Variants in MAP3K5 observed in about 807,000 individuals in gnomAD.
The protein encoded by MAP3K5 is ASK-1.
In MAP3K5, 56 loss-of-function variants were observed where a neutral mutation model predicts 158.7. That is an observed-to-expected ratio of 0.35 (90% confidence interval 0.28 to 0.44). The LOEUF is 0.44. Among genes scored for constraint, MAP3K5 ranks in the 20% least tolerant of loss-of-function variants. The probability of loss-of-function intolerance (pLI) is 1.00; values close to 1 mark genes in which losing one functional copy is unlikely to be tolerated. For missense variants in MAP3K5, 1,294 were observed against 1,674.8 expected (o/e 0.77, Z 3.97); for synonymous variants, 579 against 601.7 (o/e 0.96, Z 0.55).
At chr6:136,703,332 G>A (rs1017950093) in intron 3 of MAP3K5, among the ~76,000 whole-genome samples, 13 of 152,168 alleles carry the variant, frequency 8.5e-5, no homozygotes, top group African/African-American at 2.7e-4. Flanking sequence ...CTGCCATTCC[G>A]GTCTCAGGGA....
At position 136,681,037 on chromosome 6, in the gene MAP3K5, A is replaced by G. The variant is rs1248082220; in HGVS notation, c.1254-11642T>C. ...CACATTAACCTATTATGATTAATCT[A>G]TGCTGTCAGATGGAACCACGAAAGC... On this transcript the variant is annotated intron_variant, in intron 7 of 29. Coordinates refer to ENST00000359015, the MANE Select transcript of MAP3K5 (RefSeq NM_005923.4). Among the ~76,000 whole-genome samples, 3 of 152,364 alleles carry G rather than the reference A, an allele frequency of 2.0e-5. No individual in the cohort carries two copies. The East Asian group carries it at 5.8e-4, about 29-fold the overall frequency.
At chr6:136,635,129 A>T (rs1209132845) in intron 14 of MAP3K5, among the ~76,000 whole-genome samples, 3 of 121,570 alleles carry the variant, frequency 2.5e-5, no homozygotes, top group Admixed American at 7.9e-5. Flanking sequence ...TCTCTGGTTT[A>T]AAAAAAAAAA....
intron 1 of MAP3K5, among the ~76,000 whole-genome samples, chr6:136,740,568 G>T (rs1270129142): frequency 1.3e-5 from 2 of 152,000 alleles, no homozygotes; most frequent in African/African-American, 2.4e-5. Context: ...CTTCTCCCCA[G>T]CTCTTTCTAC....
chr6:136,749,648 G>T (rs933170873), intron 1 of MAP3K5, among the ~76,000 whole-genome samples: 22 of 152,028 alleles, frequency 1.4e-4, no homozygotes, highest in African/African-American at 5.1e-4. Context: ...TATCTAGTTT[G>T]CAATTACCAC....
At chr6:136,697,008 C>T (rs1780628748) in intron 5 of MAP3K5, among the ~76,000 whole-genome samples, 1 of 152,272 alleles carries the variant, frequency 6.6e-6, no homozygotes, top group East Asian at 1.9e-4. Flanking sequence ...CAGGCCTTTA[C>T]CATACAAGTC....
chr6:136,569,139 C>A (rs184890795), intron 25 of MAP3K5, among the ~76,000 whole-genome samples: 2 of 152,166 alleles, frequency 1.3e-5, no homozygotes, highest in African/African-American at 2.4e-5. Flanking sequence ...CAAATTCCAA[C>A]CTGACTCTAG....
intron 11 of MAP3K5, among the ~76,000 whole-genome samples, chr6:136,648,439 C>T (rs1778369007): frequency 6.6e-6 from 1 of 152,038 alleles, no homozygotes; most frequent in Non-Finnish European, 1.5e-5. Flanking sequence ...GGAGAAAGAC[C>T]ACAGTTCTGA....
chr6:136,639,040 G>C (rs1359325095), intron 13 of MAP3K5, among the ~76,000 whole-genome samples: 1 of 152,060 alleles, frequency 6.6e-6, no homozygotes, highest in Non-Finnish European at 1.5e-5. Context: ...TCTTTTATTG[G>C]TATAGATCAG....
intron 3 of MAP3K5, among the ~76,000 whole-genome samples, chr6:136,704,367 G>T (rs1263217948): frequency 2.6e-5 from 4 of 152,124 alleles, no homozygotes; most frequent in Admixed American, 2.6e-4. Flanking sequence ...GGGGAATCAC[G>T]ATTTAGAAAA....
chr6:136,624,039 C>T (rs1187530128), intron 14 of MAP3K5, among the ~76,000 whole-genome samples: 2 of 152,078 alleles, frequency 1.3e-5, no homozygotes, highest in East Asian at 3.9e-4. Flanking sequence ...ACTGAAAATA[C>T]AAAAATTAGC....
intron 1 of MAP3K5, 33 bp from the exon 2 acceptor site, chr6:136,720,622 G>T: frequency 6.3e-7 from 1 of 1,578,404 alleles, no homozygotes; most frequent in South Asian, 1.1e-5. Flanking sequence ...CCCAAAGAAT[G>T]ACACCCAAAT....
intron 8 of MAP3K5, among the ~76,000 whole-genome samples, chr6:136,664,511 C>T (rs1057204526): frequency 2.0e-5 from 3 of 152,122 alleles, no homozygotes; most frequent in Admixed American, 6.6e-5. Flanking sequence ...AGGTTGGGGA[C>T]TGCTGCTCTA....
chr6:136,653,381 A>C (rs1778604134), intron 10 of MAP3K5, among the ~76,000 whole-genome samples: 1 of 152,212 alleles, frequency 6.6e-6, no homozygotes, highest in Non-Finnish European at 1.5e-5. Context: ...ATTTTCTAAA[A>C]TAGGCCATCC....
At chr6:136,759,643 T>C (rs1440855530) in intron 1 of MAP3K5, among the ~76,000 whole-genome samples, 1 of 151,252 alleles carries the variant, frequency 6.6e-6, no homozygotes, top group African/African-American at 2.4e-5. Context: ...GCTAATTTTT[T>C]CTATTTTTTG....
At chr6:136,621,912 G>A (rs375510090) in intron 15 of MAP3K5, among the ~76,000 whole-genome samples, 9 of 151,776 alleles carry the variant, frequency 5.9e-5, no homozygotes, top group African/African-American at 1.5e-4. Context: ...CGGTGAAACC[G>A]CGTCTCTATT....
At chr6:136,562,416 G>A (rs1243677067) in intron 27 of MAP3K5, 87 bp downstream of exon 27, 4 of 590,668 alleles carry the variant, frequency 6.8e-6, no homozygotes, top group African/African-American at 1.9e-5. Context: ...TGCTGACTTA[G>A]CCACAAATAA....
At chr6:136,773,625 T>G (rs889592951) in intron 1 of MAP3K5, among the ~76,000 whole-genome samples, 2 of 152,044 alleles carry the variant, frequency 1.3e-5, no homozygotes, top group Middle Eastern at 3.2e-3. Flanking sequence ...TTGCCCATTT[T>G]TTGTTGTTGT....
At chr6:136,596,147 C>T (rs2129083155) in intron 21 of MAP3K5, among the ~76,000 whole-genome samples, 1 of 152,166 alleles carries the variant, frequency 6.6e-6, no homozygotes, top group African/African-American at 2.4e-5. Flanking sequence ...ATAGACCCGG[C>T]CCTTAAGAAT....
intron 7 of MAP3K5, among the ~76,000 whole-genome samples, chr6:136,681,211 C>T (rs1374871501): frequency 6.6e-6 from 1 of 152,132 alleles, no homozygotes; most frequent in Non-Finnish European, 1.5e-5. Context: ...CAGTATAATG[C>T]CTGGCAAATA....
Sources: gnomAD v4.1 joint callset for allele counts (sites outside exome capture counted in the v4.1 genomes callset) on GRCh38, gnomAD v4.1.1 for gene constraint, MANE v1.5 for transcripts, NCBI Gene and HGNC (gene_info 2026-07-23, HGNC 2026-07-21) for gene names.